The following GFRA1 variants were observed in gnomAD, a reference collection of about 807,000 sequenced individuals.
GFRA1 encodes the protein GDNF family receptor alpha-1.
GFRA1 carries 16 observed loss-of-function variants against 51.6 expected under a neutral mutation model. The ratio of observed to expected loss-of-function variants is 0.31; its 90% CI spans 0.21 to 0.47. GFRA1 has a LOEUF of 0.47. Ranked by LOEUF, GFRA1 falls within the 20% of genes least tolerant of loss-of-function variation. The pLI, the probability that GFRA1 is intolerant of heterozygous loss-of-function variation, is 1.00. For missense variants in GFRA1, 530 were observed against 594.3 expected, an observed-to-expected ratio of 0.89 and a Z score of 1.13; for synonymous variants, 270 against 241.3, an observed-to-expected ratio of 1.12 and a Z score of -1.10.
chr10:116,224,822 A>G (rs138496543), intron 4 of GFRA1, among the ~76,000 whole-genome samples: 2 of 152,192 alleles, frequency 1.3e-5, no homozygotes, highest in Non-Finnish European at 2.9e-5. Flanking sequence ...AAATGGGTGA[A>G]TTGTACAGTG....
At chr10:116,245,365 AAAC>A (rs1967779903) in intron 4 of GFRA1, among the ~76,000 whole-genome samples, 2 of 152,280 alleles carry the variant, frequency 1.3e-5, no homozygotes, top group East Asian at 3.9e-4. Flanking sequence ...AGTAAAATAA[AAAC>A]AACCATGAGA....
chr10:116,144,818 C>T lies in GFRA1; in HGVS notation c.434-19261G>A, dbSNP rs565019766. Among the ~76,000 whole-genome samples, 6 of 152,214 alleles carry T rather than the reference C, an allele frequency of 3.9e-5. No homozygotes were observed. In the South Asian group the frequency reaches 1.2e-3, roughly 32 times the overall value. On this transcript the variant is annotated intron_variant, in intron 5 of 10. Coordinates refer to ENST00000355422, the MANE Select transcript of GFRA1 (RefSeq NM_005264.8). The stretch of plus-strand genomic sequence containing the variant: ...TTAAACAAGACATATAATACCTCCA[C>T]ACCATAAAGAAAAGACTGATAAATT...
intron 4 of GFRA1, among the ~76,000 whole-genome samples, chr10:116,225,534 CAAAAAAA>C (rs756377767): frequency 6.3e-5 from 4 of 63,954 alleles, no homozygotes; most frequent in Non-Finnish European, 7.8e-5. Flanking sequence ...AGTCTGTCTC[CAAAAAAA>C]AAAAAAAAAA....
intron 9 of GFRA1, among the ~76,000 whole-genome samples, chr10:116,071,777 A>C (rs1282918306): frequency 6.6e-6 from 1 of 152,216 alleles, no homozygotes; most frequent in Non-Finnish European, 1.5e-5. Context: ...TAGAAATGGT[A>C]TGTCTATACG....
intron 8 of GFRA1, among the ~76,000 whole-genome samples, chr10:116,092,021 C>A (rs534317413): frequency 6.6e-6 from 1 of 150,964 alleles, no homozygotes; most frequent in Non-Finnish European, 1.5e-5. Flanking sequence ...TGACCTCCAT[C>A]GTCATTGCTT....
At chr10:116,261,234 A>G (rs1015216707) in intron 4 of GFRA1, among the ~76,000 whole-genome samples, 1 of 152,214 alleles carries the variant, frequency 6.6e-6, no homozygotes, top group Non-Finnish European at 1.5e-5. Context: ...ATTTACAAGC[A>G]AACACCTAAT....
intron 4 of GFRA1, among the ~76,000 whole-genome samples, chr10:116,236,340 G>GAA (rs1405870656): frequency 1.3e-5 from 2 of 152,260 alleles, no homozygotes; most frequent in Admixed American, 1.3e-4. Flanking sequence ...TTTCAGCAGA[G>GAA]AAAGGTGCCT....
chr10:116,058,107 C>T lies in GFRA1; in HGVS notation c.*6291G>A. 1 of 151,488 alleles carries T rather than the reference C, an allele frequency of 6.6e-6. No homozygotes were observed. The highest frequency in any genetic ancestry group is 1.5e-5 in the Non-Finnish European group (1 of 68,020). 9.4% of individuals were successfully genotyped at this position (151,488 alleles called of 1,614,324 possible). ...CAGCGAACTGAGAAGGTCCAGGGTA[C>T]CTTCACCTGCACTGCCACAGTCACC... is the stretch of plus-strand genomic sequence containing the variant. On this transcript the variant is annotated 3_prime_UTR_variant, in exon 11 of 11. Transcript: ENST00000355422.
intron 4 of GFRA1, among the ~76,000 whole-genome samples, chr10:116,240,774 G>C (rs554892032): frequency 2.0e-5 from 3 of 152,144 alleles, no homozygotes; most frequent in Non-Finnish European, 4.4e-5. Flanking sequence ...GGCATAGAGT[G>C]GGCTGTCTCG....
chr10:116,199,182 C>G (rs1431993707), intron 5 of GFRA1, among the ~76,000 whole-genome samples: 1 of 152,134 alleles, frequency 6.6e-6, no homozygotes, highest in African/African-American at 2.4e-5. Context: ...TGCTTTACAC[C>G]ACCTCGTTTG....
Position 116,083,417 on chromosome 10 carries a change from C to T in GFRA1, c.1197+6324G>A, listed in dbSNP as rs577342720. ...CGCCTCTTCTCTGGTGGAAGATTAA[C>T]GGGCCGCCAAAGCATCCCATTGCTC... On this transcript the variant is annotated intron_variant, in intron 9 of 10. Coordinates refer to ENST00000355422, the MANE Select transcript of GFRA1 (RefSeq NM_005264.8). Among the ~76,000 whole-genome samples, 259 of 152,336 alleles carry T rather than the reference C, an allele frequency of 1.7e-3. 1 individual carries two copies. The highest frequency in any genetic ancestry group is 5.7e-3 in the African/African-American group (239 of 41,582).
At chr10:116,237,332 A>G (rs1397432104) in intron 4 of GFRA1, among the ~76,000 whole-genome samples, 1 of 152,168 alleles carries the variant, frequency 6.6e-6, no homozygotes, top group Non-Finnish European at 1.5e-5. Flanking sequence ...CTTGATGATG[A>G]ACACATGAGT....
At position 116,111,834 on chromosome 10, in the gene GFRA1, C is replaced by G. The variant is rs191292519; in HGVS notation, c.770+13387G>C. Among the ~76,000 whole-genome samples the G allele has an allele frequency of 8.1e-3, 1,239 of 152,320 alleles. 10 individuals are homozygous for G. The highest frequency in any genetic ancestry group is 0.013 in the Non-Finnish European group (890 of 68,034). ...AACACAGGCAAAAGCTGGAGATCCA[C>G]GGCCCCAGAGCAAAGGCGCCTCTGA... On this transcript the variant is annotated intron_variant, in intron 6 of 10. Coordinates refer to ENST00000355422, the MANE Select transcript of GFRA1 (RefSeq NM_005264.8).
intron 7 of GFRA1, among the ~76,000 whole-genome samples, chr10:116,095,051 T>C (rs888461966): frequency 1.5e-4 from 23 of 152,202 alleles, no homozygotes; most frequent in African/African-American, 5.1e-4. Context: ...CCTCCATTCA[T>C]CATCCTTAGG....
intron 5 of GFRA1, among the ~76,000 whole-genome samples, chr10:116,128,266 G>A (rs1209582628): frequency 6.6e-6 from 1 of 152,180 alleles, no homozygotes; most frequent in Non-Finnish European, 1.5e-5. Context: ...ATTTATGTGT[G>A]TTGTTTTCAT....
chr10:116,138,037 G>A (rs578069818), intron 5 of GFRA1, among the ~76,000 whole-genome samples: 11 of 152,188 alleles, frequency 7.2e-5, no homozygotes, highest in East Asian at 5.8e-4. Flanking sequence ...TCGTGATCTC[G>A]TGATCTATCC....
rs1956459537 is a variant in GFRA1 at position 116,093,813 on chromosome 10, T to G, written c.904A>C (p.Ile302Leu). ...GCCACACTGAGGCTACTGGAGTCTATGTAGTTGGGGGTCATGACTGTGCCT... is the reference window on the plus strand; with the variant it reads ...GCCACACTGAGGCTACTGGAGTCTAGGTAGTTGGGGGTCATGACTGTGCCT... ...LIGTVMTPNY[I>L]DSSSLSVAPW... Residue 302 changes from isoleucine (I) to leucine (L), a missense_variant, in exon 8 of 11, where the codon ATA (isoleucine) becomes CTA (leucine). Physicochemically the swap from Ile to Leu is conservative, Grantham distance 5. Transcript: ENST00000355422. The G allele has an allele frequency of 6.2e-7, 1 of 1,614,048 alleles. No homozygotes were observed. The highest frequency in any genetic ancestry group is 2.2e-5 in the East Asian group (1 of 44,888).
chr10:116,126,976 G>A (rs1013053749), intron 5 of GFRA1, among the ~76,000 whole-genome samples: 3 of 152,028 alleles, frequency 2.0e-5, no homozygotes, highest in Admixed American at 6.5e-5. Context: ...ATTATGCTAC[G>A]TGAAATAAAC....
chr10:116,104,553 C>A (rs946843831), intron 6 of GFRA1, among the ~76,000 whole-genome samples: 1 of 152,204 alleles, frequency 6.6e-6, no homozygotes, highest in East Asian at 1.9e-4. Flanking sequence ...TCAGTCCCTG[C>A]GTCCTGCCTT....
Sources: gnomAD v4.1 joint callset for allele counts (sites outside exome capture counted in the v4.1 genomes callset) on GRCh38, gnomAD v4.1.1 for gene constraint, MANE v1.5 for transcripts, NCBI Gene and HGNC (gene_info 2026-07-23, HGNC 2026-07-21) for gene names.